The following TPSG1 variants were observed in gnomAD, a reference collection of about 807,000 sequenced individuals.
The protein encoded by TPSG1 is tryptase gamma.
Under a neutral mutation model 23.8 loss-of-function variants are expected in TPSG1, and 43 were observed. The observed-to-expected ratio is 1.81, with a 90% CI of 1.42 to 2.33. TPSG1 has a LOEUF of 2.33. Among genes scored for constraint, TPSG1 ranks in the 30% most tolerant of loss-of-function variants. TPSG1 has a pLI of 0.00. For missense variants in TPSG1, 623 were observed against 438.6 expected (o/e 1.42, Z -3.75); for synonymous variants, 302 against 201.3 (o/e 1.50, Z -4.23).
rs559154453 is a variant in TPSG1, at chr16:1,223,627, G to A, written c.74-33C>T. 7.9e-6 allele frequency: 12 copies of A among 1,525,998 alleles called. No homozygotes were observed. The Admixed American group carries it at 2.4e-4, about 31-fold the overall frequency. 94.5% of individuals were successfully genotyped at this position (1,525,998 alleles called of 1,614,324 possible). A position where few individuals can be genotyped will look rare whatever the true frequency, so the allele number is the denominator to read the frequency against. On this transcript the variant is annotated intron_variant, in intron 2 of 5. Coordinates refer to ENST00000234798, the MANE Select transcript of TPSG1 (RefSeq NM_012467.4). ...GAAGGAGGAAGGGGTGCCTGGTGGG[G>A]ATCCCAAGAAACCCACTGCACTTCC...
rs1970538495 is a variant in TPSG1 at position 1,222,340 on chromosome 16, C to T, written c.513G>A (p.Glu171=). The T allele has an allele frequency of 6.3e-7, 1 of 1,590,464 alleles. No individual in the cohort carries two copies. The highest frequency in any genetic ancestry group is 8.6e-7 in the Non-Finnish European group (1 of 1,166,506). ...GCAGGCTGTACGGGGGTGGCAGAGG[C>T]TCTGGGGTGGGGGGAACAGGCTTCA... ...VTGWGYTREG[E]PLPPPYSLRE... is the part of the protein sequence containing the mutation. Residue 171 remains glutamate, a splice_region_variant and synonymous_variant, in exon 5 of 6, where the codon GAG becomes GAA. Coordinates refer to ENST00000234798, the MANE Select transcript of TPSG1 (RefSeq NM_012467.4).
chr16:1,222,943 A>G (rs2029898357), intron 3 of TPSG1, 26 bp from the exon 4 acceptor site: 3 of 1,578,198 alleles, frequency 1.9e-6, no homozygotes, highest in Admixed American at 1.7e-5. Flanking sequence ...GCTGGGTGAG[A>G]GGGGCCAGCT....
rs1231591541 is a variant in TPSG1 at position 1,223,594 on chromosome 16, C to T, written c.74G>A (p.Gly25Glu). Reference protein sequence around the residue: ...PGVSLRTLQPGCGRPQVSDAG... With the variant: ...PGVSLRTLQPECGRPQVSDAG... ...ATCCGAAACCTGCGGCCGGCCACAC[C>T]CTAAGTCGAAGGAGGAAGGGGTGCC... Residue 25 changes from glycine (G) to glutamate (E), a missense_variant and splice_region_variant, in exon 3 of 6, where the codon GGG (glycine) becomes GAG (glutamate). Transcript: ENST00000234798. 4 of 1,539,268 alleles carry T rather than the reference C, an allele frequency of 2.6e-6. No homozygotes were observed. The highest frequency in any genetic ancestry group is 2.5e-5 in the East Asian group (1 of 40,604).
At chr16:1,223,730 TC>T in intron 2 of TPSG1, 136 bp from the exon 3 acceptor site, 3 of 1,057,196 alleles carry the variant, frequency 2.8e-6, no homozygotes, top group Non-Finnish European at 3.9e-6. Context: ...TGCCAGACTC[TC>T]CCCAGAAGCA....
rs757494786 is a variant in TPSG1, at chr16:1,224,616, C to T, written c.59G>A (p.Arg20Lys). ...LLLAVPGVSL[R>K]TLQPGCGRPQ... ...CAGAGACGTACCTGGCTGCAAAGTCCTGAGGGACACACCTGTGGGAAAGAC... is the reference window on the plus strand; with the variant it reads ...CAGAGACGTACCTGGCTGCAAAGTCTTGAGGGACACACCTGTGGGAAAGAC... Residue 20 changes from arginine (R) to lysine (K), a missense_variant, in exon 2 of 6, where the codon AGG becomes AAG. Transcript: ENST00000234798. 1.2e-6 allele frequency: 2 copies of T among 1,613,852 alleles called. No individual in the cohort carries two copies. The highest frequency in any genetic ancestry group is 1.7e-6 in the Non-Finnish European group (2 of 1,179,898).
Position 1,222,297 on chromosome 16 carries a change from CG to C in TPSG1, c.555del (p.Val186TrpfsTer45). On this transcript the variant is annotated frameshift_variant, in exon 5 of 6. Coordinates refer to ENST00000234798, the MANE Select transcript of TPSG1 (RefSeq NM_012467.4). LOFTEE classifies it high-confidence loss of function. Reference sequence around the variant, plus strand: ...CGGCGGCAGGTCTCTGTGTCCACCACGGAGACTTTCACCTCCCGCAGGCTGT... The same window carrying C: ...CGGCGGCAGGTCTCTGTGTCCACCACGAGACTTTCACCTCCCGCAGGCTGT... ...PPYSLREVKV[S>X]VVDTETCRRD... The C allele has an allele frequency of 6.2e-7, 1 of 1,610,780 alleles. No homozygotes were observed. Among genetic ancestry groups the C allele is most frequent in the Non-Finnish European group, 8.5e-7 (1 of 1,179,126 alleles).
intron 2 of TPSG1, 43 bp from the exon 3 acceptor site, chr16:1,223,637 A>G: frequency 1.3e-6 from 2 of 1,521,306 alleles, no homozygotes; most frequent in Non-Finnish European, 1.8e-6. Context: ...GATCCCAAGA[A>G]ACCCACTGCA....
chr16:1,223,590 A>T lies in TPSG1; in HGVS notation c.78T>A (p.Cys26Ter), dbSNP rs1312204204. Residue 26 changes from cysteine to a stop codon, truncating the protein, a stop_gained, in exon 3 of 6, where the codon TGT becomes TGA. Transcript: ENST00000234798. LOFTEE classifies it high-confidence loss of function. ...GVSLRTLQPG[C>*]GRPQVSDAGG... ...CTGCATCCGAAACCTGCGGCCGGCC[A>T]CACCCTAAGTCGAAGGAGGAAGGGG... 1.9e-6 allele frequency: 3 copies of T among 1,540,996 alleles called. No homozygotes were observed. The Admixed American group carries it at 6.0e-5, about 31-fold the overall frequency.
chr16:1,222,946 G>T, intron 3 of TPSG1, 29 bp from the exon 4 acceptor site: 1 of 1,573,296 alleles, frequency 6.4e-7, no homozygotes, highest in East Asian at 2.3e-5. Context: ...GGGTGAGAGG[G>T]GCCAGCTGCG....
In TPSG1 at chr16:1,221,922, C is replaced by T. The variant is rs751372854; in HGVS notation, c.832G>A (p.Gly278Arg). ...HITASGGSES[G>R]YPRLPLLAGF... is the part of the protein sequence containing the mutation. ...GCCAGGAGGGGGAGCCTGGGGTACCCAGACTCTGAGCCCCCTGATGCTGTG... is the reference window on the plus strand; with the variant it reads ...GCCAGGAGGGGGAGCCTGGGGTACCTAGACTCTGAGCCCCCTGATGCTGTG... The change falls in exon 6 of 6, where the codon GGG becomes AGG. Residue 278 changes from glycine to arginine, a missense_variant. Physicochemically the swap from Gly to Arg is moderately radical, Grantham distance 125 (BLOSUM62 -2). Transcript: ENST00000234798. The T allele has an allele frequency of 4.2e-5, 68 of 1,611,480 alleles. No homozygotes were observed. The highest frequency in any genetic ancestry group is 5.4e-5 in the Non-Finnish European group (64 of 1,179,188).
rs966940451 is a variant in TPSG1, at chr16:1,222,568, G to A, written c.511+84C>T. On this transcript the variant is annotated intron_variant, in intron 4 of 5. Coordinates refer to ENST00000234798, the MANE Select transcript of TPSG1 (RefSeq NM_012467.4). ...GGTGTGGAAGCCACCAGGAGCAGGT[G>A]GTAGCATCAGCATCCCTCAAGCCAG... The A allele has an allele frequency of 5.0e-5, 74 of 1,493,310 alleles. No homozygotes were observed. In the African/African-American group the frequency reaches 9.9e-4, roughly 20 times the overall value. 92.5% of individuals were successfully genotyped at this position (1,493,310 alleles called of 1,614,324 possible).
intron 2 of TPSG1, chr16:1,224,117 G>A (rs2030017757): frequency 5.2e-6 from 1 of 192,096 alleles, no homozygotes; most frequent in Non-Finnish European, 1.0e-5. Context: ...GAAATTAAGA[G>A]GAAGTCAGCT....
intron 1 of TPSG1, 119 bp downstream of exon 1, chr16:1,225,088 A>G (rs2030075856): frequency 2.3e-6 from 3 of 1,327,420 alleles, no homozygotes; most frequent in Admixed American, 2.5e-5. Flanking sequence ...ACGGGGCCCC[A>G]CAGGGTGGGG....
At chr16:1,223,372 C>A (rs1376366268) in intron 3 of TPSG1, 51 bp downstream of exon 3, 2 of 1,516,378 alleles carry the variant, frequency 1.3e-6, no homozygotes, top group Admixed American at 2.2e-5. Context: ...CTGGCGCATG[C>A]CCCACTGGGG....
intron 4 of TPSG1, 129 bp downstream of exon 4, chr16:1,222,523 G>C: frequency 1.5e-6 from 2 of 1,359,822 alleles, no homozygotes; most frequent in Non-Finnish European, 2.0e-6. Flanking sequence ...AGGGACAGCC[G>C]ATAGGGGCGG....
At position 1,221,866 on chromosome 16, in the gene TPSG1, CAGAA is replaced by C. The variant is rs771660466; in HGVS notation, c.884_887del (p.Leu295ArgfsTer2). On this transcript the variant is annotated frameshift_variant, in exon 6 of 6. Coordinates refer to ENST00000234798, the MANE Select transcript of TPSG1 (RefSeq NM_012467.4). LOFTEE classifies it low-confidence loss of function (END_TRUNC). ...TGGCCAGCAGGACACAGGAGACTAGCAGAAGGAAGAGGCCGGGGAGGAAGAAGCC... is the reference window on the plus strand; with the variant it reads ...TGGCCAGCAGGACACAGGAGACTAGCGGAAGAGGCCGGGGAGGAAGAAGCC... 1.1e-5 allele frequency: 17 copies of C among 1,611,802 alleles called. No individual in the cohort carries two copies. The highest frequency in any genetic ancestry group is 1.4e-5 in the Non-Finnish European group (16 of 1,179,518).
At chr16:1,225,073 G>T in intron 1 of TPSG1, 134 bp downstream of exon 1, 2 of 1,025,452 alleles carry the variant, frequency 2.0e-6, no homozygotes, top group Non-Finnish European at 2.9e-6. Flanking sequence ...CTCTTCAGAG[G>T]AGACACGGGG....
At chr16:1,222,598 C>T (rs772025532) in intron 4 of TPSG1, 54 bp downstream of exon 4, 209 of 1,515,522 alleles carry the variant, frequency 1.4e-4, no homozygotes, top group Non-Finnish European at 1.7e-4. Context: ...AGCCAGCTCT[C>T]TTCCTGCCGC....
At chr16:1,222,612 T>G (rs1970549929) in intron 4 of TPSG1, 40 bp downstream of exon 4, 1 of 1,517,988 alleles carries the variant, frequency 6.6e-7, no homozygotes, top group Non-Finnish European at 8.8e-7. Context: ...CTGCCGCCCT[T>G]GCCTTCCTCC....
Sources: gnomAD v4.1 joint callset for allele counts on GRCh38, gnomAD v4.1.1 for gene constraint, MANE v1.5 for transcripts, NCBI Gene and HGNC (gene_info 2026-07-23, HGNC 2026-07-21) for gene names.